RNF111: variants seen among roughly 807,000 people sequenced by gnomAD.
The protein encoded by RNF111 is E3 ubiquitin-protein ligase Arkadia.
A neutral mutation model predicts 95.1 loss-of-function variants in RNF111; 17 were observed. The observed-to-expected ratio is 0.18, with a 90% CI of 0.12 to 0.27. The LOEUF is 0.27. RNF111 is among the 10% of genes least tolerant of loss of function. RNF111 has a pLI of 1.00. For synonymous variants in RNF111, 440 were observed against 414.8 expected (o/e 1.06, Z -0.74); for missense variants, 1,189 against 1,210.4 (o/e 0.98, Z 0.26).
chr15:58,991,856 T>C (rs2038831601), intron 1 of RNF111, among the ~76,000 whole-genome samples: 1 of 152,212 alleles, frequency 6.6e-6, no homozygotes, highest in Non-Finnish European at 1.5e-5. Context: ...CTCAAACCAA[T>C]TGTAGAAAGT....
intron 1 of RNF111, among the ~76,000 whole-genome samples, chr15:59,018,564 C>A (rs1206801784): frequency 3.9e-5 from 6 of 151,994 alleles, no homozygotes; most frequent in Non-Finnish European, 7.4e-5. Flanking sequence ...AAAAAACAAA[C>A]TATATATACA....
chr15:59,072,556 C>T (rs1303074483), intron 6 of RNF111, among the ~76,000 whole-genome samples: 1 of 148,676 alleles, frequency 6.7e-6, no homozygotes, highest in Non-Finnish European at 1.5e-5. Context: ...CAGGTTCATG[C>T]CATTCTGCCT....
chr15:59,060,882 A>G (rs959233681), intron 5 of RNF111, among the ~76,000 whole-genome samples: 17 of 151,602 alleles, frequency 1.1e-4, no homozygotes, highest in East Asian at 3.9e-4. Flanking sequence ...TCTCACTGCA[A>G]TCTCCACCTC....
intron 10 of RNF111, among the ~76,000 whole-genome samples, chr15:59,089,279 G>C (rs780381520): frequency 6.6e-6 from 1 of 152,096 alleles, no homozygotes; most frequent in Non-Finnish European, 1.5e-5. Context: ...AAGGCATAGG[G>C]TACTTTGGCT....
chr15:59,021,851 T>G (rs1295428042), intron 1 of RNF111, among the ~76,000 whole-genome samples: 1 of 152,118 alleles, frequency 6.6e-6, no homozygotes, highest in African/African-American at 2.4e-5. Context: ...ATGCGTTCAT[T>G]TTTTCTAGCT....
At chr15:59,090,921 A>C in intron 11 of RNF111, 138 bp from the exon 12 acceptor site, 1 of 524,524 alleles carries the variant, frequency 1.9e-6, no homozygotes, top group Non-Finnish European at 3.5e-6. Context: ...ACCACTTGTC[A>C]TGTGTAAGTT....
chr15:59,044,023 ACTGT>A (rs769197910), intron 2 of RNF111, among the ~76,000 whole-genome samples: 69 of 152,230 alleles, frequency 4.5e-4, no homozygotes, highest in Admixed American at 2.6e-3. Flanking sequence ...CAGATTGGAA[ACTGT>A]CTTTTTTTTT....
In RNF111 at chr15:58,996,649, C is replaced by CTTTTTTT. The variant is rs60350601; in HGVS notation, c.-20+8604_-20+8610dup. 1.8e-3 allele frequency among the ~76,000 whole-genome samples: 184 copies of CTTTTTTT among 100,740 alleles called. 13 individuals are homozygous for CTTTTTTT. Among genetic ancestry groups the CTTTTTTT allele is most frequent in the African/African-American group, 6.5e-3 (167 of 25,620 alleles). 66.1% of individuals were successfully genotyped at this position (100,740 alleles called of 152,430 possible). A position where few individuals can be genotyped will look rare whatever the true frequency, so the allele number is the denominator to read the frequency against. ...GTGATTGAAAACTCATCAGTACTTT[C>CTTTTTTT]TTTTTTTTTTTTTTTTTTTTTTTTT... On this transcript the variant is annotated intron_variant, in intron 1 of 13. Transcript: ENST00000348370.
chr15:59,086,001 A>G (rs2078888378), intron 10 of RNF111, among the ~76,000 whole-genome samples: 1 of 152,226 alleles, frequency 6.6e-6, no homozygotes, highest in Non-Finnish European at 1.5e-5. Flanking sequence ...GACATGACAA[A>G]AAAGTGTGGG....
chr15:58,992,096 G>A (rs562714326), intron 1 of RNF111, among the ~76,000 whole-genome samples: 1 of 152,272 alleles, frequency 6.6e-6, no homozygotes, highest in Non-Finnish European at 1.5e-5. Context: ...CCAAGCTGGA[G>A]TGCAGTGGTG....
At chr15:59,035,986 C>G (rs572318597) in intron 2 of RNF111, among the ~76,000 whole-genome samples, 1 of 152,328 alleles carries the variant, frequency 6.6e-6, no homozygotes, top group East Asian at 1.9e-4. Context: ...AGAATCACCC[C>G]ACTCTGTTAG....
chr15:59,008,918 C>A (rs1187567702), intron 1 of RNF111, among the ~76,000 whole-genome samples: 1 of 151,780 alleles, frequency 6.6e-6, no homozygotes, highest in Non-Finnish European at 1.5e-5. Context: ...TCATTTGTTC[C>A]CCTCCTGTCC....
intron 6 of RNF111, among the ~76,000 whole-genome samples, chr15:59,071,453 C>T (rs942887763): frequency 9.2e-5 from 14 of 152,116 alleles, no homozygotes; most frequent in Admixed American, 5.9e-4. Context: ...GAGGCTGAGA[C>T]GGGTGGATCG....
intron 1 of RNF111, among the ~76,000 whole-genome samples, chr15:59,004,978 T>A (rs902360105): frequency 6.6e-6 from 1 of 152,208 alleles, no homozygotes. Flanking sequence ...TTGTGTTGAT[T>A]CTAGGCATAT....
intron 13 of RNF111, chr15:59,093,359 T>TC (rs202021176): frequency 5.2e-5 from 21 of 404,070 alleles, no homozygotes; most frequent in East Asian, 1.6e-4. Context: ...TTTTTTTTTT[T>TC]TTCCTTTTCT....
intron 5 of RNF111, 51 bp downstream of exon 5, chr15:59,058,601 G>C (rs1190878274): frequency 6.7e-7 from 1 of 1,491,102 alleles, no homozygotes; most frequent in East Asian, 2.3e-5. Context: ...CTTTCGTTAG[G>C]AAAAGTATTA....
Position 59,084,119 on chromosome 15 carries a change from G to T in RNF111, c.2298-10G>T, listed in dbSNP as rs369434704. On this transcript the variant is annotated splice_polypyrimidine_tract_variant and intron_variant, in intron 8 of 13. Transcript: ENST00000348370. ...ATTTCCAGTGGTCTTTTTGTGTTCT[G>T]TGTTTCCAGGCGGGCACATGAACGC... is the stretch of plus-strand genomic sequence containing the variant. 4 of 1,574,430 alleles carry T rather than the reference G, an allele frequency of 2.5e-6. No homozygotes were observed. Among genetic ancestry groups the T allele is most frequent in the Admixed American group, 3.7e-5 (2 of 53,922 alleles).
chr15:59,081,163 C>T lies in RNF111; in HGVS notation c.2176C>T (p.Pro726Ser), dbSNP rs369078940. 4.3e-6 allele frequency: 7 copies of T among 1,614,086 alleles called. No homozygotes were observed. The highest frequency in any genetic ancestry group is 1.6e-4 in the Middle Eastern group (1 of 6,084). ...TAAPIPQHLP[P>S]THQPISHHIP... ...TGCACCAATCCCTCAGCATCTTCCT[C>T]CTACACACCAGCCAATTTCGCACCA... The change falls in exon 8 of 14, where the codon CCT (proline) becomes TCT (serine). Residue 726 changes from proline (P) to serine (S), a missense_variant. Pro to Ser is a moderately conservative substitution (Grantham distance 74). This residue lies in a region of RNF111 where 1,024 missense variants were observed against 925.9 expected (regional missense o/e 1.11). Coordinates refer to ENST00000348370, the MANE Select transcript of RNF111 (RefSeq NM_017610.8).
intron 2 of RNF111, among the ~76,000 whole-genome samples, chr15:59,040,936 T>G (rs1428600994): frequency 6.6e-6 from 1 of 152,230 alleles, no homozygotes; most frequent in African/African-American, 2.4e-5. Flanking sequence ...GTCAAAACTT[T>G]AAAACAAGAT....
Sources: gnomAD v4.1 joint callset for allele counts (sites outside exome capture counted in the v4.1 genomes callset) on GRCh38, gnomAD v4.1.1 for gene constraint, gnomAD v4.1.1 regional missense constraint, MANE v1.5 for transcripts, NCBI Gene and HGNC (gene_info 2026-07-23, HGNC 2026-07-21) for gene names.